PTPRN2: variants seen among roughly 807,000 people sequenced by gnomAD.
PTPRN2 encodes the protein protein tyrosine phosphatase receptor type N2, also known as receptor-type tyrosine-protein phosphatase N2.
A neutral mutation model predicts 118.8 loss-of-function variants in PTPRN2; 74 were observed. The observed-to-expected ratio is 0.62, with a 90% CI of 0.52 to 0.76. PTPRN2 has a LOEUF of 0.76. Ranked by LOEUF, PTPRN2 falls within the 30% of genes least tolerant of loss-of-function variation. PTPRN2 has a pLI of 0.00. For missense variants in PTPRN2, 1,481 were observed against 1,394.4 expected (o/e 1.06, Z -0.99); for synonymous variants, 641 against 608.0 (o/e 1.05, Z -0.80).
At chr7:158,502,228 C>A (rs373377037) in intron 1 of PTPRN2, among the ~76,000 whole-genome samples, 1 of 152,194 alleles carries the variant, frequency 6.6e-6, no homozygotes, top group Admixed American at 6.5e-5. Context: ...GAAACACAGC[C>A]ACGCCCACTT....
At chr7:157,682,437 T>C (rs1028522352) in intron 13 of PTPRN2, among the ~76,000 whole-genome samples, 2 of 152,204 alleles carry the variant, frequency 1.3e-5, no homozygotes, top group Non-Finnish European at 2.9e-5. Flanking sequence ...TAACAGATAA[T>C]ACATCATTCA....
intron 22 of PTPRN2, among the ~76,000 whole-genome samples, chr7:157,544,564 G>A (rs987825946): frequency 4.6e-5 from 7 of 152,232 alleles, no homozygotes; most frequent in East Asian, 3.8e-4. Context: ...GGGGCCTCCC[G>A]TCCAGTGAGG....
intron 2 of PTPRN2, among the ~76,000 whole-genome samples, chr7:158,477,990 G>T (rs976681135): frequency 1.3e-5 from 2 of 152,232 alleles, no homozygotes; most frequent in Non-Finnish European, 2.9e-5. Flanking sequence ...ACAGAGAAGG[G>T]GAGAGAGCGC....
chr7:157,692,309 G>C (rs997095776), intron 12 of PTPRN2, among the ~76,000 whole-genome samples: 1 of 152,186 alleles, frequency 6.6e-6, no homozygotes, highest in African/African-American at 2.4e-5. Flanking sequence ...CCCCAGGCCA[G>C]GCCCAGGCGG....
At chr7:157,703,026 A>G (rs1165992398) in intron 12 of PTPRN2, among the ~76,000 whole-genome samples, 1 of 152,204 alleles carries the variant, frequency 6.6e-6, no homozygotes, top group Non-Finnish European at 1.5e-5. Context: ...AAAAGGAAGT[A>G]TCGAAAGTTT....
chr7:157,847,141 C>T (rs1808889360), intron 12 of PTPRN2, among the ~76,000 whole-genome samples: 1 of 139,956 alleles, frequency 7.1e-6, no homozygotes, highest in South Asian at 2.5e-4. Context: ...CCCTCTCTCA[C>T]TCCATCATGC....
At chr7:158,017,695 G>A (rs1485755385) in intron 11 of PTPRN2, among the ~76,000 whole-genome samples, 1 of 152,122 alleles carries the variant, frequency 6.6e-6, no homozygotes, top group African/African-American at 2.4e-5. Flanking sequence ...CCCACGTGGG[G>A]ACCCTTGTCA....
intron 12 of PTPRN2, among the ~76,000 whole-genome samples, chr7:157,799,866 T>C (rs1472315903): frequency 5.8e-4 from 38 of 65,868 alleles, no homozygotes; most frequent in South Asian, 2.4e-3. Flanking sequence ...GCCGGCCCCC[T>C]CCATCCCTCA....
chr7:158,494,843 C>G (rs1821711257), intron 1 of PTPRN2, among the ~76,000 whole-genome samples: 1 of 152,184 alleles, frequency 6.6e-6, no homozygotes, highest in African/African-American at 2.4e-5. Flanking sequence ...GCACCACTCA[C>G]TTGGTACAAG....
At chr7:158,130,390 C>G (rs1030793638) in intron 9 of PTPRN2, among the ~76,000 whole-genome samples, 7 of 149,850 alleles carry the variant, frequency 4.7e-5, no homozygotes, top group Non-Finnish European at 7.4e-5. Context: ...CATATGCACA[C>G]ACTTCTACCC....
intron 3 of PTPRN2, among the ~76,000 whole-genome samples, chr7:158,279,160 C>A (rs549689482): frequency 1.3e-5 from 2 of 152,228 alleles, no homozygotes; most frequent in Non-Finnish European, 2.9e-5. Context: ...TCTGGCCGCA[C>A]CTACATCCTG....
intron 3 of PTPRN2, among the ~76,000 whole-genome samples, chr7:158,276,325 A>G (rs1392894022): frequency 1.9e-5 from 1 of 52,146 alleles, no homozygotes; most frequent in Non-Finnish European, 4.5e-5. Flanking sequence ...GCTGTAATGT[A>G]TCACCCCCGC....
intron 1 of PTPRN2, among the ~76,000 whole-genome samples, chr7:158,571,961 T>C (rs1828068427): frequency 6.6e-6 from 1 of 152,176 alleles, no homozygotes; most frequent in African/African-American, 2.4e-5. Context: ...ATTAACCTCA[T>C]GAAATTCTAC....
chr7:158,091,129 TA>T (rs1440236841), intron 10 of PTPRN2, among the ~76,000 whole-genome samples: 4 of 152,240 alleles, frequency 2.6e-5, no homozygotes, highest in Admixed American at 6.5e-5. Flanking sequence ...AGTCGATACA[TA>T]ACACAGGCTT....
intron 19 of PTPRN2, 94 bp downstream of exon 19, chr7:157,576,513 CGGCCCT>C: frequency 8.0e-7 from 1 of 1,250,320 alleles, no homozygotes; most frequent in South Asian, 1.6e-5. Context: ...GACACAGACG[CGGCCCT>C]CGGCGCCAGG....
At chr7:157,910,909 A>G (rs755513719) in intron 11 of PTPRN2, among the ~76,000 whole-genome samples, 5 of 152,268 alleles carry the variant, frequency 3.3e-5, no homozygotes, top group Non-Finnish European at 5.9e-5. Flanking sequence ...GCTAACTGTC[A>G]GAAGGAATTA....
intron 1 of PTPRN2, among the ~76,000 whole-genome samples, chr7:158,506,717 C>T (rs1365788862): frequency 1.3e-5 from 2 of 151,792 alleles, no homozygotes; most frequent in Non-Finnish European, 2.9e-5. Context: ...CCCAACCCCA[C>T]CTCCACCCAG....
chr7:158,395,724 CGAGGGGAGAGGGGA>C lies in PTPRN2; in HGVS notation c.164-78806_164-78793del, dbSNP rs1352793195. On this transcript the variant is annotated intron_variant, in intron 2 of 22. Transcript: ENST00000389418. ...GGGGCGAGGGGCGAGGGGCGAGGCG[CGAGGGGAGAGGGGA>C]GAGGGGCGAGGGGTGAGGCGCGAGG... Among the ~76,000 whole-genome samples the C allele has an allele frequency of 1.5e-4, 7 of 46,768 alleles. 1 individual carries two copies. Among genetic ancestry groups the C allele is most frequent in the African/African-American group, 2.1e-4 (2 of 9,576 alleles). 30.7% of individuals were successfully genotyped at this position (46,768 alleles called of 152,430 possible). A position where few individuals can be genotyped will look rare whatever the true frequency, so the allele number is the denominator to read the frequency against.
chr7:157,843,287 C>G (rs1808567393), intron 12 of PTPRN2, among the ~76,000 whole-genome samples: 1 of 152,156 alleles, frequency 6.6e-6, no homozygotes, highest in Admixed American at 6.5e-5. Flanking sequence ...AATCATAAAA[C>G]TAATCATGCA....
Sources: allele counts gnomAD v4.1 joint callset (sites outside exome capture counted in the v4.1 genomes callset), GRCh38; gene constraint gnomAD v4.1.1; transcripts MANE v1.5; gene names NCBI Gene and HGNC (gene_info 2026-07-23, HGNC 2026-07-21).